Variants in TMPRSS9 observed in about 807,000 individuals in gnomAD.
TMPRSS9 encodes the protein transmembrane protease serine 9.
TMPRSS9 carries 113 observed loss-of-function variants against 111.4 expected under a neutral mutation model. The ratio of observed to expected loss-of-function variants is 1.01; its 90% CI spans 0.87 to 1.19. The LOEUF (loss-of-function observed/expected upper bound fraction) is 1.19, where lower values mean the gene tolerates loss of function less well. Ranked by LOEUF, TMPRSS9 falls within the 50% of genes most tolerant of loss-of-function variation. TMPRSS9 has a pLI of 0.00. For synonymous variants in TMPRSS9, 805 were observed against 659.1 expected, an observed-to-expected ratio of 1.22 and a Z score of -3.39; for missense variants, 1,803 against 1,513.1, an observed-to-expected ratio of 1.19 and a Z score of -3.18.
At chr19:2,405,534 C>T in exon 7 of TMPRSS9, 1 of 1,578,262 alleles carries the variant, frequency 6.3e-7, no homozygotes, top group Non-Finnish European at 8.6e-7. Flanking sequence ...CTGCTGCTCA[C>T]TGCTTCAATG....
At chr19:2,360,671 G>A (rs1352125440) in intron 1 of TMPRSS9, among the ~76,000 whole-genome samples, 1 of 151,496 alleles carries the variant, frequency 6.6e-6, no homozygotes, top group African/African-American at 2.4e-5. Context: ...GCGTGTAGAT[G>A]CGGCAGGGGT....
rs1462862668 is a variant in TMPRSS9, at chr19:2,363,815, T to C, written c.-26+3455T>C. On this transcript the variant is annotated intron_variant, in intron 1 of 17. Coordinates refer to the TMPRSS9 transcript ENST00000649857. ...GTGTGTGTGTGTGTGCGTGCGCGCGTGTGTGTGTGAGAGAGAGAGAGAGAG... is the reference window on the plus strand; with the variant it reads ...GTGTGTGTGTGTGTGCGTGCGCGCGCGTGTGTGTGAGAGAGAGAGAGAGAG... Among the ~76,000 whole-genome samples the C allele has an allele frequency of 2.9e-3, 284 of 98,960 alleles. 1 individual carries two copies. The highest frequency in any genetic ancestry group is 4.6e-3 in the African/African-American group (116 of 25,332). The allele number at this position is 98,960 out of a possible 152,430, so 64.9% of individuals were successfully genotyped here.
exon 16 of TMPRSS9, chr19:2,425,075 C>A: frequency 1.3e-6 from 2 of 1,572,232 alleles, no homozygotes; most frequent in Non-Finnish European, 1.7e-6. Flanking sequence ...GCAGCTGGAG[C>A]GCGTGGCGCG....
At chr19:2,399,873 G>A (rs1970793577) in intron 4 of TMPRSS9, among the ~76,000 whole-genome samples, 1 of 152,106 alleles carries the variant, frequency 6.6e-6, no homozygotes, top group South Asian at 2.1e-4. Context: ...TGGGATTACA[G>A]GCACGCACCA....
At chr19:2,375,733 C>T (rs1428261404) in intron 1 of TMPRSS9, among the ~76,000 whole-genome samples, 1 of 152,172 alleles carries the variant, frequency 6.6e-6, no homozygotes, top group Non-Finnish European at 1.5e-5. Context: ...TCGACCACCC[C>T]ACCAGGACAG....
At chr19:2,425,095 G>A in exon 16 of TMPRSS9, 1 of 1,583,022 alleles carries the variant, frequency 6.3e-7, no homozygotes, top group Admixed American at 1.7e-5. Context: ...GCATCTACAA[G>A]CACCCGTTCT....
chr19:2,382,548 G>T (rs1970396976), intron 1 of TMPRSS9, among the ~76,000 whole-genome samples: 1 of 152,064 alleles, frequency 6.6e-6, no homozygotes, highest in South Asian at 2.1e-4. Context: ...CCAATTGAGT[G>T]GATACACAGA....
At chr19:2,393,977 C>T (rs1039653053) in intron 1 of TMPRSS9, among the ~76,000 whole-genome samples, 3 of 146,316 alleles carry the variant, frequency 2.1e-5, no homozygotes, top group Non-Finnish European at 3.0e-5. Flanking sequence ...CCGGGTTGGG[C>T]GGATCATGAG....
upstream of TMPRSS9, among the ~76,000 whole-genome samples, chr19:2,387,819 G>A (rs1970509399): frequency 6.6e-6 from 1 of 152,098 alleles, no homozygotes; most frequent in Non-Finnish European, 1.5e-5. Context: ...GCTGCTGGAG[G>A]GATTTTAGTG....
chr19:2,425,333 C>T (rs1347406416), intron 16 of TMPRSS9, 24 bp from the exon 18 acceptor site: 26 of 1,428,962 alleles, frequency 1.8e-5, no homozygotes, highest in Non-Finnish European at 2.4e-5. Flanking sequence ...CCCCACCCGC[C>T]CCGTCTCGCT....
In TMPRSS9 at chr19:2,380,598, C is replaced by CAAAAAAAAAAAA. The variant is rs112276283; in HGVS notation, c.-25-9159_-25-9148dup. On this transcript the variant is annotated intron_variant, in intron 1 of 17. Coordinates refer to the TMPRSS9 transcript ENST00000649857. ...CCTGGGCAACAGAGCAAGACTCCAC[C>CAAAAAAAAAAAA]AAAAAAAAAAAAAAAGACAGTGGAT... Among the ~76,000 whole-genome samples, 16 of 110,850 alleles carry CAAAAAAAAAAAA rather than the reference C, an allele frequency of 1.4e-4. 1 individual carries two copies. Among genetic ancestry groups the CAAAAAAAAAAAA allele is most frequent in the South Asian group, 3.1e-4 (1 of 3,254 alleles). The allele number at this position is 110,850 out of a possible 152,430, so 72.7% of individuals were successfully genotyped here. A position where few individuals can be genotyped will look rare whatever the true frequency, so the allele number is the denominator to read the frequency against.
intron 1 of TMPRSS9, among the ~76,000 whole-genome samples, chr19:2,394,456 G>A (rs1970666007): frequency 6.6e-6 from 1 of 152,180 alleles, no homozygotes; most frequent in Non-Finnish European, 1.5e-5. Flanking sequence ...TTTAGTTGGA[G>A]ATGAGAGGCT....
chr19:2,369,065 C>T (rs971792221), intron 1 of TMPRSS9, among the ~76,000 whole-genome samples: 12 of 151,666 alleles, frequency 7.9e-5, no homozygotes, highest in Non-Finnish European at 1.3e-4. Flanking sequence ...GATTCTCCTG[C>T]CTCAGCCTCC....
intron 11 of TMPRSS9, 171 bp from the exon 13 acceptor site, chr19:2,416,367 C>T (rs901885471): frequency 2.1e-5 from 18 of 838,584 alleles, no homozygotes; most frequent in African/African-American, 2.1e-4. Flanking sequence ...AGGAGGAGCC[C>T]AGCAGCCCCT....
At chr19:2,384,959 G>A (rs1186686446), upstream of TMPRSS9, among the ~76,000 whole-genome samples, 4 of 149,140 alleles carry the variant, frequency 2.7e-5, no homozygotes, top group Middle Eastern at 3.5e-3. Flanking sequence ...TCCAGCCTGG[G>A]GGACAGAGCC....
exon 13 of TMPRSS9, chr19:2,418,089 A>G (rs765893046): frequency 1.2e-6 from 2 of 1,612,218 alleles, no homozygotes; most frequent in Non-Finnish European, 8.5e-7. Context: ...TCCCTCACAG[A>G]CCGCATGATC....
At chr19:2,402,408 C>T (rs1465204028) in intron 5 of TMPRSS9, among the ~76,000 whole-genome samples, 1 of 151,986 alleles carries the variant, frequency 6.6e-6, no homozygotes, top group African/African-American at 2.4e-5. Flanking sequence ...CGCCACTGCA[C>T]TCCAGCCTGG....
intron 6 of TMPRSS9, 69 bp from the exon 8 acceptor site, chr19:2,405,305 C>T (rs1288602797): frequency 1.3e-6 from 2 of 1,500,594 alleles, no homozygotes; most frequent in East Asian, 2.6e-5. Flanking sequence ...CTCAGAGATG[C>T]ATGTTCTGGG....
chr19:2,410,118 C>G lies in TMPRSS9; in HGVS notation c.1118-140C>G. 3.3e-6 allele frequency: 4 copies of G among 1,198,706 alleles called. No homozygotes were observed. In the South Asian group the frequency reaches 4.2e-5, roughly 13 times the overall value. The allele number at this position is 1,198,706 out of a possible 1,614,324, so 74.3% of individuals were successfully genotyped here. On this transcript the variant is annotated intron_variant, in intron 8 of 17. Coordinates refer to ENST00000648592, the Ensembl canonical transcript of TMPRSS9. ...GTGTTTACCTTTTGTAGTTTCAGAG[C>G]CATGTGTTGTAGGTGGCCATGCTTG...
Sources: gnomAD v4.1 joint callset for allele counts (sites outside exome capture counted in the v4.1 genomes callset) on GRCh38, gnomAD v4.1.1 for gene constraint, MANE v1.5 for transcripts, NCBI Gene and HGNC (gene_info 2026-07-23, HGNC 2026-07-21) for gene names.